The following SLC13A1 variants were observed in gnomAD, a reference collection of about 807,000 sequenced individuals.
SLC13A1 encodes the protein solute carrier family 13 member 1.
Under a neutral mutation model 70.0 loss-of-function variants are expected in SLC13A1, and 65 were observed. The observed-to-expected ratio is 0.93, with a 90% CI of 0.76 to 1.14. The LOEUF (loss-of-function observed/expected upper bound fraction) is 1.14, where lower values mean the gene tolerates loss of function less well. Ranked by LOEUF, SLC13A1 falls within the 50% of genes most tolerant of loss-of-function variation. SLC13A1 has a pLI of 0.00. For missense variants in SLC13A1, 726 were observed against 717.8 expected, an observed-to-expected ratio of 1.01 and a Z score of -0.13; for synonymous variants, 275 against 250.5, an observed-to-expected ratio of 1.10 and a Z score of -0.92.
chr7:123,161,428 C>A (rs1186656927), intron 6 of SLC13A1, among the ~76,000 whole-genome samples: 1 of 152,006 alleles, frequency 6.6e-6, no homozygotes, highest in African/African-American at 2.4e-5. Context: ...ACATAAATTT[C>A]TTTTTAAAAA....
At chr7:123,130,936 T>C (rs1793735881) in intron 8 of SLC13A1, among the ~76,000 whole-genome samples, 1 of 152,138 alleles carries the variant, frequency 6.6e-6, no homozygotes, top group South Asian at 2.1e-4. Flanking sequence ...TTTTGTGAAA[T>C]ACTGTTCTAG....
chr7:123,169,522 CATATATGTA>C (rs1205067433), intron 3 of SLC13A1, among the ~76,000 whole-genome samples, 187 bp from the exon 4 acceptor site: 4 of 152,094 alleles, frequency 2.6e-5, no homozygotes, highest in African/African-American at 9.7e-5. Context: ...AAATCAAAGC[CATATATGTA>C]AAAGTGGAGT....
At chr7:123,119,025 C>A (rs1450690483) in intron 13 of SLC13A1, 56 bp downstream of exon 13, 1 of 1,468,034 alleles carries the variant, frequency 6.8e-7, no homozygotes. Flanking sequence ...ACCAGCATTC[C>A]GAAGCAGAGT....
intron 1 of SLC13A1, among the ~76,000 whole-genome samples, chr7:123,192,596 A>G (rs888745080): frequency 3.9e-5 from 6 of 152,164 alleles, no homozygotes; most frequent in African/African-American, 1.4e-4. Context: ...GCGTGAGAAA[A>G]GCAGAGCCAA....
chr7:123,187,878 A>C (rs976313631), intron 1 of SLC13A1, among the ~76,000 whole-genome samples: 1 of 152,120 alleles, frequency 6.6e-6, no homozygotes, highest in Admixed American at 6.6e-5. Flanking sequence ...AAGGCTATGG[A>C]CATCTTTGTA....
Position 123,115,527 on chromosome 7 carries a change from G to T in SLC13A1, c.1779C>A (p.Thr593=), listed in dbSNP as rs775237180. ...AGAAATTTTGTGCTTATTATGGCAT[G>T]GTCTCATTACTCATAGCAGGAGCCC... is the stretch of plus-strand genomic sequence containing the variant. ...PSWAPAMSNE[T]MP Residue 593 remains threonine (T), a synonymous_variant, in exon 15 of 15, where the codon ACC becomes ACA. Transcript: ENST00000194130. 13 of 1,610,484 alleles carry T rather than the reference G, an allele frequency of 8.1e-6. No homozygotes were observed. The highest frequency in any genetic ancestry group is 1.1e-5 in the Non-Finnish European group (13 of 1,177,642).
chr7:123,159,058 T>C (rs940336865), intron 6 of SLC13A1, among the ~76,000 whole-genome samples: 1 of 152,022 alleles, frequency 6.6e-6, no homozygotes, highest in African/African-American at 2.4e-5. Context: ...AATACAATTA[T>C]GTAATTTATG....
chr7:123,186,353 G>A (rs767378234), intron 1 of SLC13A1, among the ~76,000 whole-genome samples: 6 of 151,980 alleles, frequency 3.9e-5, no homozygotes, highest in Non-Finnish European at 7.4e-5. Flanking sequence ...GAACTGTGTT[G>A]CAACTAAAAA....
chr7:123,136,929 G>A (rs980828574), intron 7 of SLC13A1, among the ~76,000 whole-genome samples: 1 of 152,148 alleles, frequency 6.6e-6, no homozygotes, highest in African/African-American at 2.4e-5. Context: ...TTAGGAATGA[G>A]TTTGTCACAT....
Position 123,113,618 on chromosome 7 carries a change from G to C in SLC13A1, c.*1900C>G, listed in dbSNP as rs1793074931. 6.6e-6 allele frequency: 1 copy of C among 151,942 alleles called. No homozygotes were observed. Among genetic ancestry groups the C allele is most frequent in the African/African-American group, 2.4e-5 (1 of 41,346 alleles). The allele number at this position is 151,942 out of a possible 1,614,324, so 9.4% of individuals were successfully genotyped here. A position where few individuals can be genotyped will look rare whatever the true frequency, so the allele number is the denominator to read the frequency against. On this transcript the variant is annotated 3_prime_UTR_variant, in exon 15 of 15. Coordinates refer to ENST00000194130, the MANE Select transcript of SLC13A1 (RefSeq NM_022444.4). Reference sequence around the variant, plus strand: ...TCAGCAGTGATAAATTGAATGACTAGAAAAAAGCAGAAATGTAATAAATAC... The same window carrying C: ...TCAGCAGTGATAAATTGAATGACTACAAAAAAGCAGAAATGTAATAAATAC...
Position 123,115,669 on chromosome 7 carries a change from G to A in SLC13A1, c.1651-14C>T. 1.2e-6 allele frequency: 2 copies of A among 1,612,670 alleles called. No individual in the cohort carries two copies. The highest frequency in any genetic ancestry group is 1.7e-6 in the Non-Finnish European group (2 of 1,179,126). On this transcript the variant is annotated splice_polypyrimidine_tract_variant and intron_variant, in intron 14 of 14. Transcript: ENST00000194130. ...TCCAGCTTTAACCTTGAACAGGAAA[G>A]AGCATAAATGTCAGTGTCCCAGAAG...
chr7:123,186,447 G>A (rs953276615), intron 1 of SLC13A1, among the ~76,000 whole-genome samples: 11 of 152,034 alleles, frequency 7.2e-5, no homozygotes, highest in African/African-American at 2.7e-4. Flanking sequence ...CTCATAGAGT[G>A]ACCAATTGTT....
intron 3 of SLC13A1, among the ~76,000 whole-genome samples, chr7:123,170,822 G>A (rs1217726568): frequency 2.0e-5 from 3 of 151,764 alleles, no homozygotes; most frequent in East Asian, 1.9e-4. Context: ...TCAGGCGATC[G>A]CCCACCTTGG....
At chr7:123,117,768 G>T (rs1793232825) in intron 13 of SLC13A1, among the ~76,000 whole-genome samples, 160 bp from the exon 14 acceptor site, 1 of 151,510 alleles carries the variant, frequency 6.6e-6, no homozygotes, top group Non-Finnish European at 1.5e-5. Context: ...ATATTTTTAA[G>T]AAAATATCTC....
chr7:123,177,147 T>A (rs900462378), intron 2 of SLC13A1, among the ~76,000 whole-genome samples: 2 of 152,130 alleles, frequency 1.3e-5, no homozygotes, highest in South Asian at 2.1e-4. Context: ...GCACTTCCCA[T>A]CTTCCTCCCA....
chr7:123,117,873 C>A (rs1489646582), intron 13 of SLC13A1, among the ~76,000 whole-genome samples: 1 of 151,676 alleles, frequency 6.6e-6, no homozygotes, highest in Non-Finnish European at 1.5e-5. Context: ...AGAAACTAAA[C>A]AAAAACAGCA....
chr7:123,160,859 G>A (rs1270597866), intron 6 of SLC13A1, among the ~76,000 whole-genome samples: 1 of 151,628 alleles, frequency 6.6e-6, no homozygotes, highest in Non-Finnish European at 1.5e-5. Flanking sequence ...CTAGTATAAT[G>A]GAAATCAGAA....
intron 6 of SLC13A1, among the ~76,000 whole-genome samples, chr7:123,159,031 C>T (rs192970580): frequency 6.6e-5 from 10 of 151,976 alleles, no homozygotes; most frequent in Middle Eastern, 3.4e-3. Flanking sequence ...CTCTACAGAG[C>T]ACTGATTTTA....
intron 4 of SLC13A1, 101 bp downstream of exon 4, chr7:123,169,047 C>T: frequency 9.8e-7 from 1 of 1,016,708 alleles, no homozygotes; most frequent in Non-Finnish European, 1.5e-6. Context: ...TCATATCATG[C>T]ATGTATAGAT....
Sources: allele counts gnomAD v4.1 joint callset (sites outside exome capture counted in the v4.1 genomes callset), GRCh38; gene constraint gnomAD v4.1.1; transcripts MANE v1.5; gene names NCBI Gene and HGNC (gene_info 2026-07-23, HGNC 2026-07-21).